ANO7: variants seen among roughly 807,000 people sequenced by gnomAD.
ANO7 encodes the protein anoctamin-7.
In ANO7, 114 loss-of-function variants were observed where a neutral mutation model predicts 115.8. The ratio of observed to expected loss-of-function variants is 0.98; its 90% CI spans 0.85 to 1.15. The LOEUF is 1.15. ANO7 is among the 50% of genes most tolerant of loss of function. The pLI, the probability that ANO7 is intolerant of heterozygous loss-of-function variation, is 0.00. For missense variants in ANO7, 1,302 were observed against 1,201.2 expected (o/e 1.08, Z -1.24); for synonymous variants, 550 against 498.2 (o/e 1.10, Z -1.38).
At chr2:241,206,269 GAC>G (rs1477062113) in intron 10 of ANO7, among the ~76,000 whole-genome samples, 2 of 12,598 alleles carry the variant, frequency 1.6e-4, no homozygotes, top group African/African-American at 5.0e-4. Context: ...CTCCCAGGCT[GAC>G]ACAGGTAGAC....
intron 11 of ANO7, 56 bp from the exon 12 acceptor site, chr2:241,209,229 G>A: frequency 1.3e-6 from 2 of 1,505,482 alleles, no homozygotes. Context: ...AACACTGGAA[G>A]GAACAAGGGG....
chr2:241,229,624 G>C (rs577589305), downstream of ANO7: 4 of 1,613,932 alleles, frequency 2.5e-6, no homozygotes, highest in South Asian at 4.4e-5. Context: ...CCCCAAGGGA[G>C]GGTCTTGGGA....
chr2:241,233,725 A>G, the ANO7 span: 7 of 1,424,310 alleles, frequency 4.9e-6, no homozygotes, highest in African/African-American at 9.9e-5. This position sits in a 1 kb window ranked among gnomAD's most constrained non-coding sequence, Gnocchi z 4.3. Context: ...TTGGCCCTCG[A>G]ACCCCCATCT....
intron 4 of ANO7, chr2:241,196,112 C>T: frequency 1.4e-6 from 2 of 1,386,500 alleles, no homozygotes; most frequent in Non-Finnish European, 1.9e-6. Context: ...AACTCTGACA[C>T]TACCTTTGCC....
chr2:241,235,643 G>C, the ANO7 span: 1 of 1,342,540 alleles, frequency 7.4e-7, no homozygotes, highest in Non-Finnish European at 1.1e-6. Context: ...AGAGCAGAGT[G>C]ACGTTGTAAG....
In ANO7 at chr2:241,190,039, C is replaced by T. The variant is rs751098531; in HGVS notation, c.-7-18C>T. 9.0e-6 allele frequency: 14 copies of T among 1,553,650 alleles called. No homozygotes were observed. The highest frequency in any genetic ancestry group is 3.9e-5 in the Admixed American group (2 of 51,336). On this transcript the variant is annotated intron_variant, in intron 1 of 24. Transcript: ENST00000674324. ...CCCCTCTCTGACCCCCATCCCCACCCGGCCTTGCTGGGTGCAGGAGCAGGA... is the reference window on the plus strand; with the variant it reads ...CCCCTCTCTGACCCCCATCCCCACCTGGCCTTGCTGGGTGCAGGAGCAGGA...
chr2:241,232,431 A>C, the ANO7 span, among the ~76,000 whole-genome samples: 3 of 152,124 alleles, frequency 2.0e-5, no homozygotes, highest in Admixed American at 6.5e-5. Context: ...GCACGCGACC[A>C]CGCCTGGCTA....
rs985532258 is a variant in ANO7, at chr2:241,203,653, C to G, written c.889+155C>G. On this transcript the variant is annotated intron_variant, in intron 9 of 24. Transcript: ENST00000674324. The surrounding 1 kb of genome is among the most constrained non-coding windows in gnomAD (Gnocchi z 4.8). ...GCTCGACCGGGCTGCCCTCCTGGCTCCCCTCAAGCCCACTCACTCTAACTG... is the reference window on the plus strand; with the variant it reads ...GCTCGACCGGGCTGCCCTCCTGGCTGCCCTCAAGCCCACTCACTCTAACTG... Among the ~76,000 whole-genome samples, 1 of 152,078 alleles carries G rather than the reference C, an allele frequency of 6.6e-6. No homozygotes were observed. Among genetic ancestry groups the G allele is most frequent in the African/African-American group, 2.4e-5 (1 of 41,408 alleles).
At chr2:241,238,823 A>G in the ANO7 span, 1 of 1,484,254 alleles carries the variant, frequency 6.7e-7, no homozygotes, top group Admixed American at 2.2e-5. This position sits in a 1 kb window ranked among gnomAD's most constrained non-coding sequence, Gnocchi z 4.9. Flanking sequence ...AGAAAAGAGC[A>G]AAGATTAAAT....
chr2:241,220,844 G>A lies in ANO7; in HGVS notation c.2322-2342G>A, dbSNP rs117299217. ...ACAAAACCTGGCTGTGGCAGTTCAC[G>A]CCTGTAATCTCAGCTGCTCTGGAGG... On this transcript the variant is annotated intron_variant, in intron 21 of 24. Transcript: ENST00000674324. 6.8e-3 allele frequency among the ~76,000 whole-genome samples: 1,024 copies of A among 150,778 alleles called. 29 individuals carry two copies. Among genetic ancestry groups the A allele is most frequent in the South Asian group, 0.064 (300 of 4,714 alleles).
intron 21 of ANO7, 115 bp downstream of exon 21, chr2:241,218,496 C>T: frequency 1.3e-5 from 9 of 673,142 alleles, no homozygotes; most frequent in Non-Finnish European, 1.8e-5. Flanking sequence ...CGCCGCCGGG[C>T]AAGGCCGGGG....
At position 241,199,322 on chromosome 2, in the gene ANO7, G is replaced by C. The variant is rs148348281; in HGVS notation, c.316G>C (p.Val106Leu). The change falls in exon 5 of 25, where the codon GTC becomes CTC. Residue 106 changes from valine to leucine, a missense_variant. Transcript: ENST00000674324. ...AAGLCVDQQD[V>L]QDGNTTVHYA... The stretch of plus-strand genomic sequence containing the variant: ...GAGCCCTGGGTGCCTACAGCAGGAC[G>C]TCCAGGACGGGAACACCACAGTGCA... 6.2e-7 allele frequency: 1 copy of C among 1,613,520 alleles called. No individual in the cohort carries two copies. Among genetic ancestry groups the C allele is most frequent in the Non-Finnish European group, 8.5e-7 (1 of 1,180,006 alleles).
chr2:241,190,233 C>A, intron 2 of ANO7, 62 bp downstream of exon 2: 2 of 1,415,120 alleles, frequency 1.4e-6, no homozygotes, highest in Non-Finnish European at 1.9e-6. Context: ...GGGTCTATGC[C>A]CCCACCCTGG....
intron 3 of ANO7, among the ~76,000 whole-genome samples, chr2:241,192,270 A>G (rs1429554851): frequency 6.6e-6 from 1 of 152,188 alleles, no homozygotes; most frequent in Non-Finnish European, 1.5e-5. Context: ...GGTAGCGGTG[A>G]ACCGAGGTCG....
rs2068117682 is a variant in ANO7 at position 241,188,806 on chromosome 2, G to A, written c.-8+40G>A. On this transcript the variant is annotated intron_variant, in intron 1 of 24. Coordinates refer to ENST00000674324, the MANE Select transcript of ANO7 (RefSeq NM_001370694.2). This position sits in a 1 kb window ranked among gnomAD's most constrained non-coding sequence, Gnocchi z 4.3. ...TAGACGTGTGGGCCACAGGGAGAAG[G>A]TGGAGCGTTGGACTCTAGGGAGGCA... is the stretch of plus-strand genomic sequence containing the variant. 4 of 1,598,528 alleles carry A rather than the reference G, an allele frequency of 2.5e-6. No individual in the cohort carries two copies. Among genetic ancestry groups the A allele is most frequent in the Non-Finnish European group, 3.4e-6 (4 of 1,170,878 alleles).
At chr2:241,229,480 G>A (rs1167902482), downstream of ANO7, 10 of 741,720 alleles carry the variant, frequency 1.3e-5, no homozygotes, top group East Asian at 2.7e-5. Flanking sequence ...GCGGGACCTC[G>A]GGAAGGGGGA....
At chr2:241,223,982 G>A (rs1334654650) in intron 24 of ANO7, 27 bp downstream of exon 24, 1 of 1,614,018 alleles carries the variant, frequency 6.2e-7, no homozygotes, top group East Asian at 2.2e-5. Flanking sequence ...CCAGGCCCCT[G>A]CCCCGTGCAC....
At position 241,188,876 on chromosome 2, in the gene ANO7, T is replaced by C; in HGVS notation, c.-8+110T>C. ...CGGGACTTTCACACACCCTGGCCTG[T>C]GGGGAGGCAGTGCCAGGGCCCGCCC... On this transcript the variant is annotated intron_variant, in intron 1 of 24. Transcript: ENST00000674324. The surrounding 1 kb of genome is among the most constrained non-coding windows in gnomAD (Gnocchi z 4.3). The C allele has an allele frequency of 7.0e-7, 1 of 1,421,820 alleles. No homozygotes were observed. Among genetic ancestry groups the C allele is most frequent in the South Asian group, 1.4e-5 (1 of 71,866 alleles). The allele number at this position is 1,421,820 out of a possible 1,614,324, so 88.1% of individuals were successfully genotyped here. A position where few individuals can be genotyped will look rare whatever the true frequency, so the allele number is the denominator to read the frequency against.
chr2:241,229,730 A>G (rs2069483685), downstream of ANO7: 1 of 1,611,664 alleles, frequency 6.2e-7, no homozygotes. Context: ...GATGCTCCCC[A>G]ACTCGCAAGC....
Sources: gnomAD v4.1 joint callset for allele counts (sites outside exome capture counted in the v4.1 genomes callset) on GRCh38, gnomAD v4.1.1 for gene constraint, Gnocchi (gnomAD v3.1) non-coding constraint, MANE v1.5 for transcripts, NCBI Gene and HGNC (gene_info 2026-07-23, HGNC 2026-07-21) for gene names.